The following P4HA1 variants were observed in gnomAD, a reference collection of about 807,000 sequenced individuals.
P4HA1 encodes prolyl 4-hydroxylase subunit alpha 1, also known as prolyl 4-hydroxylase subunit alpha-1.
A neutral mutation model predicts 72.8 loss-of-function variants in P4HA1; 24 were observed. The ratio of observed to expected loss-of-function variants is 0.33; its 90% CI spans 0.24 to 0.46. P4HA1 has a LOEUF of 0.46. Ranked by LOEUF, P4HA1 falls within the 20% of genes least tolerant of loss-of-function variation. The pLI is 1.00. For missense variants in P4HA1, 446 were observed against 640.6 expected (o/e 0.70, Z 3.28); for synonymous variants, 201 against 218.8 (o/e 0.92, Z 0.72).
chr10:73,061,278 G>A (rs1035584469), intron 5 of P4HA1, among the ~76,000 whole-genome samples: 1 of 152,000 alleles, frequency 6.6e-6, no homozygotes, highest in African/African-American at 2.4e-5. Flanking sequence ...AATTTAACTC[G>A]AATCTAATCA....
Position 73,053,830 on chromosome 10 carries a change from T to C in P4HA1, c.464-240A>G, listed in dbSNP as rs564960493. Among the ~76,000 whole-genome samples, 7 of 152,188 alleles carry C rather than the reference T, an allele frequency of 4.6e-5. No individual in the cohort carries two copies. The South Asian group carries it at 1.2e-3, about 27-fold the overall frequency. On this transcript the variant is annotated intron_variant, in intron 5 of 14. Coordinates refer to ENST00000394890, the MANE Select transcript of P4HA1 (RefSeq NM_001017962.3). ...AACCTAGAGAACCCAAGACTGAAATTATCAGCCATCATACCAAAATGAAAC... is the reference window on the plus strand; with the variant it reads ...AACCTAGAGAACCCAAGACTGAAATCATCAGCCATCATACCAAAATGAAAC...
At chr10:73,083,319 A>G (rs12242214) in intron 1 of P4HA1, among the ~76,000 whole-genome samples, 16,366 of 152,212 alleles carry the variant, frequency 0.11, 1,272 homozygotes, top group East Asian at 0.3. Flanking sequence ...CAACTTTTCT[A>G]TCACAAATTC....
chr10:73,020,155 C>G (rs1197910473), intron 10 of P4HA1, among the ~76,000 whole-genome samples: 2 of 151,834 alleles, frequency 1.3e-5, no homozygotes, highest in African/African-American at 2.4e-5. Context: ...AGCAAGATAG[C>G]TAGATTAACA....
intron 10 of P4HA1, among the ~76,000 whole-genome samples, chr10:73,029,641 A>ATTT (rs143810789): frequency 0.012 from 1,765 of 151,160 alleles, 34 homozygotes; most frequent in African/African-American, 0.04. Flanking sequence ...GCCTATGCTT[A>ATTT]GTTTTTTTTT....
intron 10 of P4HA1, among the ~76,000 whole-genome samples, chr10:73,017,146 T>C (rs1184033384): frequency 6.7e-6 from 1 of 148,494 alleles, no homozygotes; most frequent in Non-Finnish European, 1.5e-5. Context: ...TACAGATGTA[T>C]ATATAGATAT....
rs750616527 is a variant in P4HA1 at position 73,011,053 on chromosome 10, G to A, written c.1369-16C>T. ...CATCACTCATCTATAAGAAACAAGA[G>A]GGTGTTATCAAAAGTGCTGGTAGAA... On this transcript the variant is annotated splice_polypyrimidine_tract_variant and intron_variant, in intron 12 of 14. Transcript: ENST00000394890. The A allele has an allele frequency of 1.9e-6, 3 of 1,602,132 alleles. No individual in the cohort carries two copies. The highest frequency in any genetic ancestry group is 2.7e-5 in the African/African-American group (2 of 74,492).
chr10:73,059,204 G>C (rs1376546993), intron 5 of P4HA1, among the ~76,000 whole-genome samples: 1 of 151,912 alleles, frequency 6.6e-6, no homozygotes, highest in Non-Finnish European at 1.5e-5. Flanking sequence ...GGAATAGGTT[G>C]AAAAGTATAA....
Position 73,023,041 on chromosome 10 carries a change from G to A in P4HA1, c.1249-6142C>T, listed in dbSNP as rs760947122. On this transcript the variant is annotated intron_variant, in intron 10 of 14. Transcript: ENST00000394890. The stretch of plus-strand genomic sequence containing the variant: ...TGATTGGTGTACACCTGAAAGTGAC[G>A]GGGAGAATGGAAACAGGCTGAAAAA... 6.6e-5 allele frequency among the ~76,000 whole-genome samples: 10 copies of A among 152,174 alleles called. No individual in the cohort carries two copies. In the East Asian group the frequency reaches 9.6e-4, roughly 15 times the overall value.
intron 9 of P4HA1, among the ~76,000 whole-genome samples, chr10:73,036,595 A>C (rs980268627): frequency 5.3e-5 from 8 of 151,980 alleles, no homozygotes; most frequent in Non-Finnish European, 1.0e-4. Context: ...ATGAGGTTTC[A>C]CCATGTTGCC....
chr10:73,042,717 TG>T (rs1213723266), intron 9 of P4HA1, among the ~76,000 whole-genome samples: 2 of 151,548 alleles, frequency 1.3e-5, no homozygotes, highest in South Asian at 4.2e-4. Flanking sequence ...TCAACAGGGG[TG>T]GAGTCACTAG....
chr10:73,068,603 C>G (rs1460516002), intron 5 of P4HA1, among the ~76,000 whole-genome samples: 2 of 152,054 alleles, frequency 1.3e-5, no homozygotes, highest in African/African-American at 4.8e-5. Context: ...CACTAAAATT[C>G]CCTACTTAAG....
intron 1 of P4HA1, among the ~76,000 whole-genome samples, chr10:73,095,971 G>C (rs1047481355): frequency 6.6e-6 from 1 of 152,176 alleles, no homozygotes; most frequent in Non-Finnish European, 1.5e-5. Context: ...GGAATTTGTT[G>C]GACTGATGTG....
intron 11 of P4HA1, among the ~76,000 whole-genome samples, chr10:73,014,995 A>AT (rs1186166759): frequency 6.6e-6 from 1 of 150,962 alleles, no homozygotes; most frequent in Non-Finnish European, 1.5e-5. Context: ...TGCCTGGCTA[A>AT]TTTTTTTGTA....
chr10:73,049,875 G>A (rs1442787469), intron 7 of P4HA1, among the ~76,000 whole-genome samples: 1 of 152,074 alleles, frequency 6.6e-6, no homozygotes, highest in Non-Finnish European at 1.5e-5. Context: ...AATTAAGGCT[G>A]CTGAACAGAT....
At chr10:73,008,480 CAT>C (rs1839840744) in intron 14 of P4HA1, among the ~76,000 whole-genome samples, 188 bp from the exon 15 acceptor site, 1 of 152,182 alleles carries the variant, frequency 6.6e-6, no homozygotes, top group Admixed American at 6.5e-5. Context: ...TACCTATATA[CAT>C]ATGTGTACAC....
intron 12 of P4HA1, 30 bp from the exon 13 acceptor site, chr10:73,011,067 G>C (rs1839901353): frequency 5.1e-6 from 8 of 1,555,120 alleles, no homozygotes; most frequent in Non-Finnish European, 7.1e-6. Flanking sequence ...GTTATCAAAA[G>C]TGCTGGTAGA....
chr10:73,013,831 C>T (rs1002607383), intron 12 of P4HA1, among the ~76,000 whole-genome samples: 10 of 151,824 alleles, frequency 6.6e-5, no homozygotes, highest in East Asian at 1.9e-4. Flanking sequence ...ACTTAATTTG[C>T]GCACTCTTCT....
rs755574766 is a variant in P4HA1, at chr10:73,014,302, AC to A, written c.1303-14del. ...CTGGCTCATCTTTCTGTGAATAAAA[AC>A]ACAGTAAATTCAATGGTGTAAAAAT... On this transcript the variant is annotated splice_polypyrimidine_tract_variant and intron_variant, in intron 11 of 14. Coordinates refer to ENST00000394890, the MANE Select transcript of P4HA1 (RefSeq NM_001017962.3). 5 of 1,599,162 alleles carry A rather than the reference AC, an allele frequency of 3.1e-6. No individual in the cohort carries two copies. Among genetic ancestry groups the A allele is most frequent in the Non-Finnish European group, 4.3e-6 (5 of 1,166,726 alleles).
At chr10:73,073,411 G>C (rs1841613346) in intron 3 of P4HA1, among the ~76,000 whole-genome samples, 1 of 151,792 alleles carries the variant, frequency 6.6e-6, no homozygotes, top group African/African-American at 2.4e-5. Context: ...AGTAGAGACA[G>C]GGTTTCACCA....
Sources: gnomAD v4.1 joint callset for allele counts (sites outside exome capture counted in the v4.1 genomes callset) on GRCh38, gnomAD v4.1.1 for gene constraint, MANE v1.5 for transcripts, NCBI Gene and HGNC (gene_info 2026-07-23, HGNC 2026-07-21) for gene names.